Variants in LRRTM1 observed in about 807,000 individuals in gnomAD.
The protein encoded by LRRTM1 is leucine-rich repeat transmembrane neuronal protein 1.
In LRRTM1, 8 loss-of-function variants were observed where a neutral mutation model predicts 37.3. That is an observed-to-expected ratio of 0.21 (90% CI 0.13 to 0.39). The LOEUF is 0.39. Ranked by LOEUF, LRRTM1 falls within the 10% of genes least tolerant of loss-of-function variation. LRRTM1 has a pLI of 1.00. For missense variants in LRRTM1, 557 were observed against 691.0 expected (o/e 0.81, Z 2.17); for synonymous variants, 326 against 316.8 (o/e 1.03, Z -0.31).
chr2:80,293,590 T>C (rs1380275413), intron 2 of LRRTM1, among the ~76,000 whole-genome samples: 1 of 152,164 alleles, frequency 6.6e-6, no homozygotes, highest in African/African-American at 2.4e-5. Context: ...TGGCCAAATG[T>C]ATGCTACCCG....
chr2:80,290,617 C>T (rs1675153862), intron 2 of LRRTM1, among the ~76,000 whole-genome samples: 1 of 151,914 alleles, frequency 6.6e-6, no homozygotes, highest in African/African-American at 2.4e-5. Context: ...CCTAATTACT[C>T]CCCCTCCCTG....
At chr2:80,297,650 G>A (rs1297502159), downstream of LRRTM1, among the ~76,000 whole-genome samples, 1 of 152,088 alleles carries the variant, frequency 6.6e-6, no homozygotes, top group Non-Finnish European at 1.5e-5. Flanking sequence ...AAAAATCAGA[G>A]TAGAGCATAC....
In LRRTM1 at chr2:80,303,567, A is replaced by G. The variant is rs1287729541; in HGVS notation, c.253T>C (p.Phe85Leu). 2 of 1,614,212 alleles carry G rather than the reference A, an allele frequency of 1.2e-6. No individual in the cohort carries two copies. The highest frequency in any genetic ancestry group is 2.2e-5 in the South Asian group (2 of 91,086). ...CACGTGAGCTGCATTAACCCCGTGA[A>G]CTGGCCGGCGCGCAGCTCCGAGAGG... ...NSLSELRAGQ[F>L]TGLMQLTWLY... The change falls in exon 2 of 2, where the codon TTC (phenylalanine) becomes CTC (leucine). Residue 85 changes from phenylalanine to leucine, a missense_variant. By Grantham distance (22) the Phe-to-Leu change is conservative. This residue lies in a region of LRRTM1 where 140 missense variants were observed against 138.1 expected (regional missense o/e 1.01). Transcript: ENST00000295057. The surrounding 1 kb of genome is among the most constrained non-coding windows in gnomAD (Gnocchi z 7.7).
At chr2:80,298,037 T>TCA (rs1553485863), downstream of LRRTM1, 3 of 149,640 alleles carry the variant, frequency 2.0e-5, no homozygotes, top group African/African-American at 7.4e-5. Flanking sequence ...ATATTATATA[T>TCA]TATATATATA....
At chr2:80,299,498 AAAGT>A (rs1334889271), downstream of LRRTM1, 1 of 152,178 alleles carries the variant, frequency 6.6e-6, no homozygotes, top group African/African-American at 2.4e-5. Flanking sequence ...ACACACACAC[AAAGT>A]AAGAACATAG....
chr2:80,295,369 A>G (rs192853228), intron 2 of LRRTM1, among the ~76,000 whole-genome samples: 17 of 152,100 alleles, frequency 1.1e-4, no homozygotes, highest in African/African-American at 3.9e-4. Context: ...TCCCACCCAT[A>G]CATGCCTGAG....
At chr2:80,298,000 TG>T (rs1316185524), downstream of LRRTM1, among the ~76,000 whole-genome samples, 1 of 151,710 alleles carries the variant, frequency 6.6e-6, no homozygotes, top group African/African-American at 2.4e-5. Context: ...TATATATGTG[TG>T]TGTGTGTGGT....
chr2:80,302,785 C>T lies in LRRTM1; in HGVS notation c.1035G>A (p.Pro345=), dbSNP rs898734695. Residue 345 remains proline, a synonymous_variant, in exon 2 of 2, where the codon CCG becomes CCA. Transcript: ENST00000295057. This position sits in a 1 kb window ranked among gnomAD's most constrained non-coding sequence, Gnocchi z 6.4. Reference sequence around the variant, plus strand: ...GGACGTCCTCGCCCTGTGCGTACTCCGGGCTGGCGCACTGCAAGTTGCCAT... The same window carrying T: ...GGACGTCCTCGCCCTGTGCGTACTCTGGGCTGGCGCACTGCAAGTTGCCAT... The part of the protein sequence containing the change: ...RYDGNLQCAS[P]EYAQGEDVLD... The T allele has an allele frequency of 1.9e-6, 3 of 1,613,428 alleles. No individual in the cohort carries two copies. In the African/African-American group the frequency reaches 4.0e-5, roughly 21 times the overall value.
chr2:80,302,010 G>T lies in LRRTM1; in HGVS notation c.*241C>A. 1 of 437,834 alleles carries T rather than the reference G, an allele frequency of 2.3e-6. No individual in the cohort carries two copies. Among genetic ancestry groups the T allele is most frequent in the Admixed American group, 4.0e-5 (1 of 25,130 alleles). 27.1% of individuals were successfully genotyped at this position (437,834 alleles called of 1,614,324 possible). ...CAAAGGGAGGAAGGAGTTCTCATAT[G>T]AAATTTAAGATAGACTGTCCTGAAG... is the stretch of plus-strand genomic sequence containing the variant. On this transcript the variant is annotated 3_prime_UTR_variant, in exon 2 of 2. Coordinates refer to ENST00000295057, the MANE Select transcript of LRRTM1 (RefSeq NM_178839.5). This position sits in a 1 kb window ranked among gnomAD's most constrained non-coding sequence, Gnocchi z 6.4.
Position 80,303,834 on chromosome 2 carries a change from C to T in LRRTM1, c.-15G>A. The T allele has an allele frequency of 6.7e-7, 1 of 1,499,334 alleles. No homozygotes were observed. The highest frequency in any genetic ancestry group is 8.9e-7 in the Non-Finnish European group (1 of 1,123,862). 92.9% of individuals were successfully genotyped at this position (1,499,334 alleles called of 1,614,324 possible). ...AGGAAATCCATTAGCGAGAATCTTT[C>T]CAGAGAGACTGGAGAATGTCCATTG... On this transcript the variant is annotated 5_prime_UTR_variant, in exon 2 of 2. An upstream open reading frame in the 5' UTR gains an earlier in-frame stop. Transcript: ENST00000295057. The surrounding 1 kb of genome is among the most constrained non-coding windows in gnomAD (Gnocchi z 7.7).
rs763178273 is a variant in LRRTM1, at chr2:80,303,645, C to G, written c.175G>C (p.Glu59Gln). The G allele has an allele frequency of 5.0e-6, 8 of 1,613,378 alleles. No individual in the cohort carries two copies. The highest frequency in any genetic ancestry group is 2.2e-5 in the South Asian group (2 of 91,030). The change falls in exon 2 of 2, where the codon GAG becomes CAG. Residue 59 changes from glutamate to glutamine, a missense_variant. Glu to Gln is a conservative substitution (Grantham distance 29). Transcript: ENST00000295057. This position sits in a 1 kb window ranked among gnomAD's most constrained non-coding sequence, Gnocchi z 7.7. ...LLYCEALNLT[E>Q]APHNLSGLLG... ...AGGCCGGACAGGTTGTGGGGCGCCTCGGTGAGGTTGAGCGCCTCGCAGTAC... is the reference window on the plus strand; with the variant it reads ...AGGCCGGACAGGTTGTGGGGCGCCTGGGTGAGGTTGAGCGCCTCGCAGTAC...
At position 80,303,903 on chromosome 2, in the gene LRRTM1, A is replaced by T; in HGVS notation, c.-59-25T>A. 1 of 1,419,980 alleles carries T rather than the reference A, an allele frequency of 7.0e-7. No individual in the cohort carries two copies. Among genetic ancestry groups the T allele is most frequent in the Non-Finnish European group, 9.3e-7 (1 of 1,080,580 alleles). 88.0% of individuals were successfully genotyped at this position (1,419,980 alleles called of 1,614,324 possible). Reference sequence around the variant, plus strand: ...TCTACATCATATTTTATTCCGAGGGAGGGGAAGCGGGGGAGGGGGAGAAAA... The same window carrying T: ...TCTACATCATATTTTATTCCGAGGGTGGGGAAGCGGGGGAGGGGGAGAAAA... On this transcript the variant is annotated intron_variant, in intron 1 of 1. Coordinates refer to ENST00000295057, the MANE Select transcript of LRRTM1 (RefSeq NM_178839.5). The surrounding 1 kb of genome is among the most constrained non-coding windows in gnomAD (Gnocchi z 7.7).
chr2:80,289,664 A>G (rs1250984402), intron 2 of LRRTM1, among the ~76,000 whole-genome samples: 1 of 152,142 alleles, frequency 6.6e-6, no homozygotes, highest in African/African-American at 2.4e-5. Context: ...TAATCTTCCT[A>G]AAAACCAGCA....
At chr2:80,304,021 G>A in intron 1 of LRRTM1, 131 bp downstream of exon 1, 1 of 516,034 alleles carries the variant, frequency 1.9e-6, no homozygotes. Context: ...AAGCTGGGCA[G>A]CATAGAAAGT....
chr2:80,289,527 CCT>C (rs1675054660), intron 2 of LRRTM1, among the ~76,000 whole-genome samples: 1 of 152,172 alleles, frequency 6.6e-6, no homozygotes, highest in Non-Finnish European at 1.5e-5. Flanking sequence ...CCACATTTCC[CCT>C]GAGGCTATTT....
intron 2 of LRRTM1, among the ~76,000 whole-genome samples, chr2:80,294,475 ACCCCATGGAGCC>A (rs1201734128): frequency 2.6e-5 from 3 of 115,972 alleles, no homozygotes; most frequent in Non-Finnish European, 6.2e-5. Context: ...TGGAGCCCTG[ACCCCATGGAGCC>A]CAGGCACCAG....
At chr2:80,294,277 A>G (rs182114695) in intron 2 of LRRTM1, among the ~76,000 whole-genome samples, 10 of 152,340 alleles carry the variant, frequency 6.6e-5, no homozygotes, top group East Asian at 1.9e-4. Flanking sequence ...AAAAACAAAT[A>G]TAAGAATAAT....
At chr2:80,289,844 C>T (rs1270281608) in intron 2 of LRRTM1, among the ~76,000 whole-genome samples, 1 of 152,168 alleles carries the variant, frequency 6.6e-6, no homozygotes, top group Non-Finnish European at 1.5e-5. Context: ...CAAAAGTGTA[C>T]TTGCCTCCCT....
chr2:80,302,835 G>A lies in LRRTM1; in HGVS notation c.985C>T (p.Leu329Phe). ...GRNVCALASWLNNFQGRYDGN... is the reference protein window; with the variant it reads ...GRNVCALASWFNNFQGRYDGN... Reference sequence around the variant, plus strand: ...TCGTAGCGCCCCTGGAAGTTGTTGAGCCACGAGGCTAGGGCACACACGTTG... The same window carrying A: ...TCGTAGCGCCCCTGGAAGTTGTTGAACCACGAGGCTAGGGCACACACGTTG... Residue 329 changes from leucine to phenylalanine, a missense_variant, in exon 2 of 2, where the codon CTC becomes TTC. By Grantham distance (22) the Leu-to-Phe change is conservative. Coordinates refer to ENST00000295057, the MANE Select transcript of LRRTM1 (RefSeq NM_178839.5). This position sits in a 1 kb window ranked among gnomAD's most constrained non-coding sequence, Gnocchi z 6.4. The A allele has an allele frequency of 1.9e-6, 3 of 1,614,076 alleles. No individual in the cohort carries two copies. Among genetic ancestry groups the A allele is most frequent in the Non-Finnish European group, 1.7e-6 (2 of 1,180,036 alleles).
Sources: gnomAD v4.1 joint callset for allele counts (sites outside exome capture counted in the v4.1 genomes callset) on GRCh38, gnomAD v4.1.1 for gene constraint, gnomAD v4.1.1 regional missense constraint, Gnocchi (gnomAD v3.1) non-coding constraint, MANE v1.5 for transcripts, NCBI Gene and HGNC (gene_info 2026-07-23, HGNC 2026-07-21) for gene names.